The following RGL4 variants were observed in gnomAD, a reference collection of about 807,000 sequenced individuals.
RGL4 encodes the protein ral-GDS-related protein.
In RGL4, 41 loss-of-function variants were observed where a neutral mutation model predicts 49.6. That is an observed-to-expected ratio of 0.83 (90% confidence interval 0.64 to 1.07). The LOEUF (loss-of-function observed/expected upper bound fraction) is 1.07. Among genes scored for constraint, RGL4 ranks in the 50% least tolerant of loss-of-function variants. The pLI is 0.00. For missense variants in RGL4, 610 were observed against 591.9 expected (o/e 1.03, Z -0.32); for synonymous variants, 255 against 238.0 (o/e 1.07, Z -0.66).
intron 6 of RGL4, 192 bp downstream of exon 6, chr22:23,695,211 C>A (rs1033481524): frequency 1.3e-5 from 7 of 529,200 alleles, no homozygotes; most frequent in African/African-American, 1.2e-4. Context: ...GGTCCATGGG[C>A]ACGTGGGGGC....
In RGL4 at chr22:23,692,809, C is replaced by T; in HGVS notation, c.514C>T (p.Pro172Ser). 6.2e-7 allele frequency: 1 copy of T among 1,613,642 alleles called. No homozygotes were observed. Among genetic ancestry groups the T allele is most frequent in the Non-Finnish European group, 8.5e-7 (1 of 1,180,010 alleles). ...TCCACCAGGATATCTACATTCAGCA[C>T]CAGGGCCAGCACCAGCACCAGGGGA... Reference protein sequence around the residue: ...LGPPGYLHSAPGPAPAPGEGP... With the variant: ...LGPPGYLHSASGPAPAPGEGP... Residue 172 changes from proline (P) to serine (S), a missense_variant, in exon 3 of 11, where the codon CCA becomes TCA. Pro to Ser is a moderately conservative substitution (Grantham distance 74). Coordinates refer to ENST00000290691, the MANE Select transcript of RGL4 (RefSeq NM_153615.2).
At position 23,698,273 on chromosome 22, in the gene RGL4, G is replaced by C; in HGVS notation, c.1322G>C (p.Arg441Pro). The change falls in exon 10 of 11, where the codon CGG (arginine) becomes CCG (proline). Residue 441 changes from arginine (R) to proline (P), a missense_variant. Coordinates refer to ENST00000290691, the MANE Select transcript of RGL4 (RefSeq NM_153615.2). ...LQVAAMNYRLRPLEKFVTYFT... is the reference protein window; with the variant it reads ...LQVAAMNYRLPPLEKFVTYFT... ...GTGGCTGCCATGAATTACAGGCTTC[G>C]GCCTCTTGAGAAATTTGTCACCTAT... 1 of 1,612,180 alleles carries C rather than the reference G, an allele frequency of 6.2e-7. No homozygotes were observed. Among genetic ancestry groups the C allele is most frequent in the Non-Finnish European group, 8.5e-7 (1 of 1,178,418 alleles).
rs1358943701 is a variant in RGL4 at position 23,692,207 on chromosome 22, A to C, written c.177A>C (p.Leu59Phe). Reference protein sequence around the residue: ...VCPFQDSTDGLRTITSILFNW... With the variant: ...VCPFQDSTDGFRTITSILFNW... ...CCTTCCAGGACAGCACTGATGGCTT[A>C]CGGTAGGGTGGGGCTGTCCTCCACA... The change falls in exon 1 of 11, where the codon TTA becomes TTC. Residue 59 changes from leucine to phenylalanine, a missense_variant and splice_region_variant. Leu to Phe is a conservative substitution (Grantham distance 22). Coordinates refer to ENST00000290691, the MANE Select transcript of RGL4 (RefSeq NM_153615.2). The C allele has an allele frequency of 6.2e-7, 1 of 1,612,714 alleles. No homozygotes were observed. The highest frequency in any genetic ancestry group is 1.1e-5 in the South Asian group (1 of 91,070).
Position 23,692,482 on chromosome 22 carries a change from C to T in RGL4, c.327C>T (p.Val109=). The T allele has an allele frequency of 6.2e-7, 1 of 1,614,168 alleles. No individual in the cohort carries two copies. Among genetic ancestry groups the T allele is most frequent in the Non-Finnish European group, 8.5e-7 (1 of 1,180,022 alleles). The change falls in exon 2 of 11, where the codon GTC becomes GTT. Residue 109 remains valine (V), a synonymous_variant. Transcript: ENST00000290691. The stretch of plus-strand genomic sequence containing the variant: ...GCTTGGAGGACCATCAGGAAATTGT[C>T]CTAGGCCAGTTGGTGCTTCCGGAGC... ...GLGLEDHQEI[V]LGQLVLPEPN...
At position 23,693,159 on chromosome 22, in the gene RGL4, C is replaced by T. The variant is rs548926696; in HGVS notation, c.696+168C>T. 155 of 1,207,500 alleles carry T rather than the reference C, an allele frequency of 1.3e-4. 1 individual carries two copies. The highest frequency in any genetic ancestry group is 3.4e-4 in the African/African-American group (22 of 65,190). The allele number at this position is 1,207,500 out of a possible 1,614,324, so 74.8% of individuals were successfully genotyped here. A position where few individuals can be genotyped will look rare whatever the true frequency, so the allele number is the denominator to read the frequency against. Reference sequence around the variant, plus strand: ...CAAGCCTTCCCTGTCTGCATGTGGACGGCAGAGATGGGACATCACCAGCGC... The same window carrying T: ...CAAGCCTTCCCTGTCTGCATGTGGATGGCAGAGATGGGACATCACCAGCGC... On this transcript the variant is annotated intron_variant, in intron 3 of 10. Transcript: ENST00000290691.
At chr22:23,696,250 G>C (rs1923484671) in intron 6 of RGL4, 4 of 1,140,460 alleles carry the variant, frequency 3.5e-6, no homozygotes, top group Non-Finnish European at 4.5e-6. Flanking sequence ...TGAGCCTGTA[G>C]TGCAGGCCTC....
rs1315543257 is a variant in RGL4, at chr22:23,692,131, C to T, written c.101C>T (p.Thr34Met). The T allele has an allele frequency of 6.2e-7, 1 of 1,614,058 alleles. No individual in the cohort carries two copies. Among genetic ancestry groups the T allele is most frequent in the Non-Finnish European group, 8.5e-7 (1 of 1,180,026 alleles). The change falls in exon 1 of 11, where the codon ACG becomes ATG. Residue 34 changes from threonine to methionine, a missense_variant. Transcript: ENST00000290691. ...CTTTGGGAAGAGAATGTCTGTGGGA[C>T]GCCAGGGCGCACGAGGGTCTGTACA... Reference protein sequence around the residue: ...QGLWEENVCGTPGRTRVCTAL... With the variant: ...QGLWEENVCGMPGRTRVCTAL...
intron 5 of RGL4, 53 bp downstream of exon 5, chr22:23,694,503 G>A: frequency 3.2e-6 from 4 of 1,265,192 alleles, no homozygotes; most frequent in Non-Finnish European, 4.6e-6. Context: ...GGACTCACAG[G>A]TCTCCCCCCA....
At chr22:23,698,676 G>A (rs1923690022) in intron 10 of RGL4, 168 bp from the exon 11 acceptor site, 3 of 892,170 alleles carry the variant, frequency 3.4e-6, no homozygotes, top group Admixed American at 2.2e-5. Flanking sequence ...CCTAGAGGAG[G>A]CTCTCCCGTG....
Position 23,692,223 on chromosome 22 carries a change from G to A in RGL4, c.179+14G>A. 1 of 1,610,982 alleles carries A rather than the reference G, an allele frequency of 6.2e-7. No homozygotes were observed. The highest frequency in any genetic ancestry group is 1.1e-5 in the South Asian group (1 of 90,998). ...TGATGGCTTACGGTAGGGTGGGGCT[G>A]TCCTCCACACTGGCAGCAACAGGCC... On this transcript the variant is annotated intron_variant, in intron 1 of 10. Coordinates refer to ENST00000290691, the MANE Select transcript of RGL4 (RefSeq NM_153615.2).
At chr22:23,693,116 G>T (rs2123855949) in intron 3 of RGL4, 125 bp downstream of exon 3, 2 of 1,429,216 alleles carry the variant, frequency 1.4e-6, no homozygotes, top group African/African-American at 1.4e-5. Flanking sequence ...GTGGGATCTG[G>T]ATGAGTTTCC....
chr22:23,697,887 G>A, intron 9 of RGL4, 26 bp downstream of exon 9: 1 of 1,600,268 alleles, frequency 6.2e-7, no homozygotes, highest in Non-Finnish European at 8.5e-7. Flanking sequence ...ACTCACGTTG[G>A]ATGAGGGTGG....
rs1247045872 is a variant in RGL4, at chr22:23,692,201, T to A, written c.171T>A (p.Asp57Glu). The A allele has an allele frequency of 1.9e-6, 3 of 1,612,894 alleles. No individual in the cohort carries two copies. Among genetic ancestry groups the A allele is most frequent in the Non-Finnish European group, 1.7e-6 (2 of 1,179,032 alleles). Residue 57 changes from aspartate to glutamate, a missense_variant, in exon 1 of 11, where the codon GAT becomes GAA. Transcript: ENST00000290691. Reference protein sequence around the residue: ...GQVCPFQDSTDGLRTITSILF... With the variant: ...GQVCPFQDSTEGLRTITSILF... Reference sequence around the variant, plus strand: ...TCTGCCCCTTCCAGGACAGCACTGATGGCTTACGGTAGGGTGGGGCTGTCC... The same window carrying A: ...TCTGCCCCTTCCAGGACAGCACTGAAGGCTTACGGTAGGGTGGGGCTGTCC...
chr22:23,697,061 T>C (rs541006024), intron 7 of RGL4, 110 bp from the exon 8 acceptor site: 2 of 843,088 alleles, frequency 2.4e-6, no homozygotes, highest in South Asian at 3.3e-5. Flanking sequence ...GAGGGGGCTC[T>C]GGGAGACAGG....
rs1215774432 is a variant in RGL4 at position 23,695,337 on chromosome 22, T to TGCTGCTGGCATGGAGCTTCCTCCAG, written c.1086+323_1086+347dup. The TGCTGCTGGCATGGAGCTTCCTCCAG allele has an allele frequency of 2.7e-4, 124 of 460,932 alleles. 2 individuals carry two copies. Among genetic ancestry groups the TGCTGCTGGCATGGAGCTTCCTCCAG allele is most frequent in the South Asian group, 1.6e-3 (94 of 57,724 alleles). The allele number at this position is 460,932 out of a possible 1,614,324, so 28.6% of individuals were successfully genotyped here. A position where few individuals can be genotyped will look rare whatever the true frequency, so the allele number is the denominator to read the frequency against. ...GGGCTCTGGCTCCCATGCTGGTCCA[T>TGCTGCTGGCATGGAGCTTCCTCCAG]GCTGCTGGCATGGAGCTTCCTCCAG... On this transcript the variant is annotated intron_variant, in intron 6 of 10. Transcript: ENST00000290691.
chr22:23,694,686 T>C lies in RGL4; in HGVS notation c.1016+236T>C. 5.0e-6 allele frequency: 3 copies of C among 595,462 alleles called. No homozygotes were observed. The South Asian group carries it at 6.0e-5, about 12-fold the overall frequency. The allele number at this position is 595,462 out of a possible 1,614,324, so 36.9% of individuals were successfully genotyped here. A position where few individuals can be genotyped will look rare whatever the true frequency, so the allele number is the denominator to read the frequency against. The stretch of plus-strand genomic sequence containing the variant: ...CTGGAGCCAACTGGAGGCTTTCAGG[T>C]GTTTGTACCCAGCAGTGGAACTCTG... On this transcript the variant is annotated intron_variant, in intron 5 of 10. Transcript: ENST00000290691.
chr22:23,697,838 G>A lies in RGL4; in HGVS notation c.1237G>A (p.Gly413Ser), dbSNP rs151183975. The A allele has an allele frequency of 6.2e-7, 1 of 1,606,794 alleles. No homozygotes were observed. The highest frequency in any genetic ancestry group is 8.5e-7 in the Non-Finnish European group (1 of 1,177,506). ...LDSAIPDDLD[G>S]NTNKRSKEVR... ...CTGATGGACTCTGTCTGCCTTCCAGGGCAACACCAACAAGAGGAGCAAGGT... is the reference window on the plus strand; with the variant it reads ...CTGATGGACTCTGTCTGCCTTCCAGAGCAACACCAACAAGAGGAGCAAGGT... Residue 413 changes from glycine to serine, a missense_variant and splice_region_variant, in exon 9 of 11, where the codon GGC (glycine) becomes AGC (serine). Gly to Ser is a moderately conservative substitution (Grantham distance 56). Coordinates refer to ENST00000290691, the MANE Select transcript of RGL4 (RefSeq NM_153615.2).
chr22:23,696,567 G>C, intron 6 of RGL4, 47 bp from the exon 7 acceptor site: 1 of 1,612,656 alleles, frequency 6.2e-7, no homozygotes, highest in South Asian at 1.1e-5. Flanking sequence ...GGTGTAACTG[G>C]GGGAGAGGAG....
intron 9 of RGL4, 89 bp downstream of exon 9, chr22:23,697,950 C>T: frequency 6.8e-7 from 1 of 1,469,234 alleles, no homozygotes; most frequent in South Asian, 1.2e-5. Context: ...GCTCCATCCT[C>T]TACATCTTAG....
Sources: gnomAD v4.1 joint callset for allele counts on GRCh38, gnomAD v4.1.1 for gene constraint, MANE v1.5 for transcripts, NCBI Gene and HGNC (gene_info 2026-07-23, HGNC 2026-07-21) for gene names.